The following SMCO2 variants were observed in gnomAD, a reference collection of about 807,000 sequenced individuals.
SMCO2 encodes the protein single-pass membrane protein with coiled-coil domains 2.
SMCO2 carries 25 observed loss-of-function variants against 29.5 expected under a neutral mutation model. That is an observed-to-expected ratio of 0.85 (90% CI 0.62 to 1.18). The LOEUF (loss-of-function observed/expected upper bound fraction) is 1.18, where lower values mean the gene tolerates loss of function less well. SMCO2 is among the 50% of genes most tolerant of loss of function. The pLI, the probability that SMCO2 is intolerant of heterozygous loss-of-function variation, is 0.00. For synonymous variants in SMCO2, 117 were observed against 123.3 expected (o/e 0.95, Z 0.34); for missense variants, 348 against 344.5 (o/e 1.01, Z -0.08).
intron 5 of SMCO2, among the ~76,000 whole-genome samples, chr12:27,492,576 A>G (rs936849150): frequency 2.6e-5 from 4 of 152,224 alleles, no homozygotes; most frequent in African/African-American, 9.6e-5. Context: ...AACATATGAA[A>G]AAAAGCTCAA....
chr12:27,483,846 C>T (rs1301498090), intron 4 of SMCO2, among the ~76,000 whole-genome samples: 1 of 152,122 alleles, frequency 6.6e-6, no homozygotes, highest in Non-Finnish European at 1.5e-5. Flanking sequence ...GTCTGTTCTC[C>T]CGGCCTTTGC....
At chr12:27,442,218 A>C in the SMCO2 span, among the ~76,000 whole-genome samples, 1 of 152,186 alleles carries the variant, frequency 6.6e-6, no homozygotes, top group South Asian at 2.1e-4. Context: ...TCAGAGCAGA[A>C]ATAAATGAAA....
chr12:27,457,824 T>G, the SMCO2 span, among the ~76,000 whole-genome samples: 128 of 152,370 alleles, frequency 8.4e-4, 1 homozygote, highest in Non-Finnish European at 1.5e-3. Context: ...TACTTCTGGT[T>G]AAAAATAAAA....
intron 4 of SMCO2, among the ~76,000 whole-genome samples, chr12:27,481,159 C>T (rs1949639520): frequency 6.6e-6 from 1 of 152,118 alleles, no homozygotes; most frequent in East Asian, 1.9e-4. Flanking sequence ...GCTATTGGGC[C>T]CCAGGGCAGG....
At chr12:27,432,180 A>C in the SMCO2 span, among the ~76,000 whole-genome samples, 1 of 152,044 alleles carries the variant, frequency 6.6e-6, no homozygotes, top group East Asian at 1.9e-4. Flanking sequence ...CAGATACATG[A>C]TTTGCAAATA....
chr12:27,423,324 CTTTTTTTTTTTTT>C, the SMCO2 span: 1 of 85,920 alleles, frequency 1.2e-5, no homozygotes, highest in South Asian at 4.1e-4. Context: ...CTTTTCTTTT[CTTTTTTTTTTTTT>C]TTTTTTTTTT....
upstream of SMCO2, among the ~76,000 whole-genome samples, chr12:27,465,725 A>G (rs1056026509): frequency 4.6e-5 from 7 of 152,260 alleles, no homozygotes; most frequent in Admixed American, 6.5e-5. Context: ...CAACAAGCCA[A>G]TTAGGTAGAT....
At chr12:27,448,901 A>C in the SMCO2 span, among the ~76,000 whole-genome samples, 1 of 152,194 alleles carries the variant, frequency 6.6e-6, no homozygotes, top group African/African-American at 2.4e-5. Flanking sequence ...ATAATGAGAG[A>C]AGAATGGAAT....
At chr12:27,498,157 CA>C in intron 7 of SMCO2, 1 of 362,116 alleles carries the variant, frequency 2.8e-6, no homozygotes, top group Non-Finnish European at 5.4e-6. Context: ...GGTTGAGTGA[CA>C]ACATCTTCTC....
At chr12:27,480,354 C>A (rs535668004) in intron 4 of SMCO2, among the ~76,000 whole-genome samples, 2 of 152,294 alleles carry the variant, frequency 1.3e-5, no homozygotes, top group Admixed American at 1.3e-4. Context: ...CACCCAGGAA[C>A]AATGGCTCCT....
chr12:27,468,655 G>C (rs540655352), intron 1 of SMCO2, among the ~76,000 whole-genome samples: 1 of 152,212 alleles, frequency 6.6e-6, no homozygotes, highest in Non-Finnish European at 1.5e-5. Flanking sequence ...CATCAACACA[G>C]GAAGTTCTAT....
At chr12:27,437,075 A>T in the SMCO2 span, among the ~76,000 whole-genome samples, 1 of 152,208 alleles carries the variant, frequency 6.6e-6, no homozygotes, top group Non-Finnish European at 1.5e-5. Flanking sequence ...ACCAAAAAAG[A>T]AACATATATA....
the SMCO2 span, among the ~76,000 whole-genome samples, chr12:27,449,054 C>T: frequency 6.6e-6 from 1 of 152,180 alleles, no homozygotes; most frequent in African/African-American, 2.4e-5. Context: ...CAGCCTAGGT[C>T]TCAGCCACCC....
At chr12:27,442,652 GTCACTTTGTCAGGTC>G in the SMCO2 span, among the ~76,000 whole-genome samples, 4 of 152,180 alleles carry the variant, frequency 2.6e-5, no homozygotes, top group Non-Finnish European at 5.9e-5. Context: ...TTGTCAGCCA[GTCACTTTGTCAGGTC>G]TCACTTTGTC....
the SMCO2 span, among the ~76,000 whole-genome samples, chr12:27,433,093 T>A: frequency 6.6e-6 from 1 of 152,112 alleles, no homozygotes; most frequent in Non-Finnish European, 1.5e-5. Context: ...AACTATCTTG[T>A]GGAATTTGGT....
At chr12:27,465,209 C>G (rs1241648268), upstream of SMCO2, among the ~76,000 whole-genome samples, 1 of 152,078 alleles carries the variant, frequency 6.6e-6, no homozygotes, top group Non-Finnish European at 1.5e-5. Flanking sequence ...AGATCCCTTC[C>G]TTTTCAAAAG....
At chr12:27,489,199 C>T (rs150341437) in intron 5 of SMCO2, among the ~76,000 whole-genome samples, 30 of 152,172 alleles carry the variant, frequency 2.0e-4, no homozygotes, top group Middle Eastern at 3.4e-3. Context: ...CGGGTGTGTG[C>T]CACCATGTCT....
upstream of SMCO2, among the ~76,000 whole-genome samples, chr12:27,463,489 A>C (rs1056792369): frequency 3.3e-5 from 5 of 150,708 alleles, no homozygotes; most frequent in African/African-American, 1.2e-4. Context: ...CTGGTCTCAA[A>C]CTCCTGACCT....
At chr12:27,452,797 T>C in the SMCO2 span, among the ~76,000 whole-genome samples, 2 of 152,200 alleles carry the variant, frequency 1.3e-5, no homozygotes, top group Non-Finnish European at 2.9e-5. Flanking sequence ...CAGGTATCTT[T>C]TTGATATATT....
Sources: gnomAD v4.1 joint callset for allele counts (sites outside exome capture counted in the v4.1 genomes callset) on GRCh38, gnomAD v4.1.1 for gene constraint, MANE v1.5 for transcripts, NCBI Gene and HGNC (gene_info 2026-07-23, HGNC 2026-07-21) for gene names.